The following WWOX variants were observed in gnomAD, a reference collection of about 807,000 sequenced individuals.
WWOX encodes WW domain containing oxidoreductase.
WWOX carries 69 observed loss-of-function variants against 46.2 expected under a neutral mutation model. That is an observed-to-expected ratio of 1.49 (90% CI 1.23 to 1.82). WWOX has a LOEUF of 1.82. Among genes scored for constraint, WWOX ranks in the 40% most tolerant of loss-of-function variants. The pLI is 0.00. For missense variants in WWOX, 919 were observed against 542.6 expected (o/e 1.69, Z -6.89); for synonymous variants, 359 against 202.6 (o/e 1.77, Z -6.56).
chr16:78,104,775 T>G (rs1656003816), intron 1 of WWOX, among the ~76,000 whole-genome samples: 1 of 152,082 alleles, frequency 6.6e-6, no homozygotes, highest in Admixed American at 6.5e-5. Flanking sequence ...AATTTTTATA[T>G]TTATTAAAAA....
At chr16:78,572,877 G>A (rs2044753245) in intron 8 of WWOX, among the ~76,000 whole-genome samples, 1 of 152,068 alleles carries the variant, frequency 6.6e-6, no homozygotes, top group Non-Finnish European at 1.5e-5. Flanking sequence ...TGAGTGACAG[G>A]TACCTAGGTA....
At position 78,432,551 on chromosome 16, in the gene WWOX, C is replaced by A. The variant is rs767903006; in HGVS notation, c.855C>A (p.Asn285Lys). ...LDFSRLSPTK[N>K]DYWAMLAYNR... ...TCAGTCGCCTCTCTCCAACAAAAAA[C>A]GACTATTGGGCGATGCTGGCTTATA... The change falls in exon 8 of 9, where the codon AAC (asparagine) becomes AAA (lysine). Residue 285 changes from asparagine to lysine, a missense_variant. By Grantham distance (94) the Asn-to-Lys change is moderately conservative. Transcript: ENST00000566780. 1 of 1,614,036 alleles carries A rather than the reference C, an allele frequency of 6.2e-7. No homozygotes were observed. The highest frequency in any genetic ancestry group is 1.7e-5 in the Admixed American group (1 of 60,000).
At chr16:78,565,758 T>C (rs541171613) in intron 8 of WWOX, among the ~76,000 whole-genome samples, 6 of 152,268 alleles carry the variant, frequency 3.9e-5, no homozygotes, top group African/African-American at 1.4e-4. Context: ...GGGATAACAA[T>C]ATCCTCCAGG....
intron 8 of WWOX, among the ~76,000 whole-genome samples, chr16:78,935,439 G>A (rs1166230501): frequency 1.3e-5 from 2 of 152,118 alleles, no homozygotes. Flanking sequence ...AAAAGGATGA[G>A]TTCATGTCTC....
intron 8 of WWOX, among the ~76,000 whole-genome samples, chr16:79,134,252 A>C (rs1384916828): frequency 2.0e-5 from 3 of 152,192 alleles, no homozygotes; most frequent in Admixed American, 2.0e-4. Context: ...AGGGCAGTAC[A>C]TGTTGCAGGT....
chr16:78,437,839 C>A (rs1239652414), intron 8 of WWOX, among the ~76,000 whole-genome samples: 4 of 152,190 alleles, frequency 2.6e-5, no homozygotes, highest in South Asian at 2.1e-4. Flanking sequence ...ATTTTCTTGA[C>A]TCTAGAGCAT....
chr16:78,927,809 C>G (rs1214648475), intron 8 of WWOX, among the ~76,000 whole-genome samples: 1 of 152,132 alleles, frequency 6.6e-6, no homozygotes, highest in African/African-American at 2.4e-5. Flanking sequence ...AAATGTCTTT[C>G]TTTGGAAGGC....
intron 8 of WWOX, among the ~76,000 whole-genome samples, chr16:79,097,921 C>G (rs571617410): frequency 2.8e-4 from 42 of 152,206 alleles, no homozygotes; most frequent in Admixed American, 6.5e-4. Flanking sequence ...GCATTACAGG[C>G]AAAATGATAA....
chr16:79,108,833 C>T (rs763169840), intron 8 of WWOX, among the ~76,000 whole-genome samples: 3 of 151,422 alleles, frequency 2.0e-5, no homozygotes, highest in African/African-American at 2.4e-5. Context: ...TCCTGGAGGT[C>T]GAGACTGCAG....
intron 8 of WWOX, among the ~76,000 whole-genome samples, chr16:79,092,568 C>A (rs1359499546): frequency 6.6e-6 from 1 of 152,282 alleles, no homozygotes; most frequent in Admixed American, 6.5e-5. Flanking sequence ...AGGCCAGCAG[C>A]CACGTTCCTT....
intron 8 of WWOX, among the ~76,000 whole-genome samples, chr16:78,919,632 C>G (rs1421905249): frequency 1.3e-5 from 2 of 151,658 alleles, no homozygotes; most frequent in African/African-American, 4.8e-5. Context: ...ATTCTCCTGC[C>G]TCATGCTCCC....
chr16:78,467,116 G>A (rs1470051190), intron 8 of WWOX, among the ~76,000 whole-genome samples: 22 of 152,156 alleles, frequency 1.4e-4, no homozygotes, highest in Non-Finnish European at 2.8e-4. Context: ...GTGCATTATA[G>A]TCTTTGATCT....
intron 8 of WWOX, among the ~76,000 whole-genome samples, chr16:78,731,764 A>G (rs765290290): frequency 3.9e-5 from 6 of 151,988 alleles, no homozygotes; most frequent in Non-Finnish European, 7.4e-5. Context: ...CCTGTCATGA[A>G]TCCACTCTGC....
intron 5 of WWOX, among the ~76,000 whole-genome samples, chr16:78,312,184 T>A (rs575701448): frequency 6.6e-6 from 1 of 152,288 alleles, no homozygotes; most frequent in East Asian, 1.9e-4. Context: ...GTCAGCTGAC[T>A]AGCAAACCTA....
chr16:79,025,951 A>G (rs911634059), intron 8 of WWOX, among the ~76,000 whole-genome samples: 9 of 148,536 alleles, frequency 6.1e-5, no homozygotes, highest in Non-Finnish European at 1.3e-4. Flanking sequence ...GGTGCCTATC[A>G]CCACGCCGAG....
chr16:79,114,088 T>C (rs986754050), intron 8 of WWOX, among the ~76,000 whole-genome samples: 5 of 152,096 alleles, frequency 3.3e-5, no homozygotes, highest in African/African-American at 1.2e-4. Flanking sequence ...AGTTAAGTCA[T>C]TTGCTAGTAA....
chr16:78,328,475 C>A (rs1476681672), intron 5 of WWOX, among the ~76,000 whole-genome samples: 3 of 152,128 alleles, frequency 2.0e-5, no homozygotes, highest in Admixed American at 2.0e-4. Context: ...ATTTTCATTT[C>A]AAGTTGCTGG....
intron 8 of WWOX, among the ~76,000 whole-genome samples, chr16:78,619,145 ATATATATAT>A (rs2046110156): frequency 3.1e-4 from 1 of 3,264 alleles, no homozygotes; most frequent in Non-Finnish European, 5.4e-4. Flanking sequence ...AAAAAAAAAT[ATATATATAT>A]ATATATATAT....
intron 1 of WWOX, among the ~76,000 whole-genome samples, chr16:78,103,841 C>G (rs1006802197): frequency 6.6e-6 from 1 of 151,956 alleles, no homozygotes; most frequent in Non-Finnish European, 1.5e-5. Flanking sequence ...TGGTGGAACC[C>G]GGTCTTGTGT....
Sources: gnomAD v4.1 joint callset for allele counts (sites outside exome capture counted in the v4.1 genomes callset) on GRCh38, gnomAD v4.1.1 for gene constraint, MANE v1.5 for transcripts, NCBI Gene and HGNC (gene_info 2026-07-23, HGNC 2026-07-21) for gene names.